HMCN1: variants seen among roughly 807,000 people sequenced by gnomAD.
HMCN1 encodes the protein hemicentin-1.
HMCN1 carries 321 observed loss-of-function variants against 625.9 expected under a neutral mutation model. That is an observed-to-expected ratio of 0.51 (90% CI 0.47 to 0.56). The LOEUF is 0.56. Among genes scored for constraint, HMCN1 ranks in the 20% least tolerant of loss-of-function variants. HMCN1 has a pLI of 0.00. For missense variants in HMCN1, 6,588 were observed against 6,887.3 expected, an observed-to-expected ratio of 0.96 and a Z score of 1.54; for synonymous variants, 2,425 against 2,417.6, an observed-to-expected ratio of 1.00 and a Z score of -0.09.
chr1:186,019,662 C>T lies in HMCN1; in HGVS notation c.5592C>T (p.Asp1864=), dbSNP rs1654590809. 2 of 1,612,042 alleles carry T rather than the reference C, an allele frequency of 1.2e-6. No homozygotes were observed. Among genetic ancestry groups the T allele is most frequent in the Non-Finnish European group, 1.7e-6 (2 of 1,178,664 alleles). The change falls in exon 35 of 107, where the codon GAC becomes GAT. Residue 1864 remains aspartate (D), a synonymous_variant. Coordinates refer to ENST00000271588, the MANE Select transcript of HMCN1 (RefSeq NM_031935.3). ...CTTCCATTACATGGTTAAAAGATGA[C>T]CAGCCTGTGAACACTGCCCAAGGAA... The part of the protein sequence containing the change: ...PNPSITWLKD[D]QPVNTAQGNL...
At chr1:185,805,761 A>C (rs1293777837) in intron 1 of HMCN1, among the ~76,000 whole-genome samples, 1 of 152,088 alleles carries the variant, frequency 6.6e-6, no homozygotes, top group Admixed American at 6.6e-5. Context: ...CATGCTGCAC[A>C]AAAGGTACTT....
In HMCN1 at chr1:186,041,113, G is replaced by T; in HGVS notation, c.6281G>T (p.Arg2094Met). 6.2e-7 allele frequency: 1 copy of T among 1,612,792 alleles called. No individual in the cohort carries two copies. Among genetic ancestry groups the T allele is most frequent in the Non-Finnish European group, 8.5e-7 (1 of 1,179,130 alleles). ...VAVNAAGEKQRDIDLRVYVPP... is the reference protein window; with the variant it reads ...VAVNAAGEKQMDIDLRVYVPP... ...GTGAATGCTGCTGGAGAAAAGCAAA[G>T]GGACATTGACCTCCGAGTATATGGT... The change falls in exon 40 of 107, where the codon AGG becomes ATG. Residue 2094 changes from arginine (R) to methionine (M), a missense_variant. By Grantham distance (91) the Arg-to-Met change is moderately conservative. Around this residue, in one of 3 missense-constraint regions of HMCN1, gnomAD observed 4,628 missense variants for 4,853.1 expected, o/e 0.95. Transcript: ENST00000271588.
In HMCN1 at chr1:186,061,951, G is replaced by A; in HGVS notation, c.7413G>A (p.Gly2471=). The part of the protein sequence containing the change: ...NAAGEERKIF[G]LSVLVPPHIV... ...CTGGTGAAGAAAGAAAAATCTTTGG[G>A]CTTTCAGTATTAGGTACTTATATAG... The change falls in exon 47 of 107, where the codon GGG becomes GGA. Residue 2471 remains glycine, a synonymous_variant. Coordinates refer to ENST00000271588, the MANE Select transcript of HMCN1 (RefSeq NM_031935.3). The A allele has an allele frequency of 6.2e-7, 1 of 1,603,122 alleles. No individual in the cohort carries two copies. The highest frequency in any genetic ancestry group is 1.1e-5 in the South Asian group (1 of 90,770).
chr1:186,124,284 T>C (rs923356190), intron 81 of HMCN1, among the ~76,000 whole-genome samples: 6 of 152,144 alleles, frequency 3.9e-5, no homozygotes, highest in African/African-American at 1.2e-4. Flanking sequence ...AGCCAAAAAG[T>C]AGGTCAAAGA....
At position 186,087,445 on chromosome 1, in the gene HMCN1, C is replaced by T. The variant is rs1558211796; in HGVS notation, c.9163C>T (p.Pro3055Ser). The change falls in exon 60 of 107, where the codon CCC (proline) becomes TCC (serine). Residue 3055 changes from proline to serine, a missense_variant and splice_region_variant. This residue lies in a region of HMCN1 where 4,628 missense variants were observed against 4,853.1 expected (regional missense o/e 0.95). Transcript: ENST00000271588. ...KKKFSLTVYV[P>S]PSIKDHDSES... Reference sequence around the variant, plus strand: ...CTTCTGTTATTTTCTTCCCTCAGTGCCCCCAAGCATTAAAGACCATGACAG... The same window carrying T: ...CTTCTGTTATTTTCTTCCCTCAGTGTCCCCAAGCATTAAAGACCATGACAG... The T allele has an allele frequency of 1.9e-6, 3 of 1,612,798 alleles. No individual in the cohort carries two copies. The highest frequency in any genetic ancestry group is 1.7e-5 in the Admixed American group (1 of 59,854).
Position 186,166,177 on chromosome 1 carries a change from C to T in HMCN1, c.15320-7C>T, listed in dbSNP as rs745639179. The T allele has an allele frequency of 2.9e-5, 46 of 1,613,960 alleles. No individual in the cohort carries two copies. In the East Asian group the frequency reaches 9.6e-4, roughly 34 times the overall value. On this transcript the variant is annotated splice_region_variant and splice_polypyrimidine_tract_variant and intron_variant, in intron 98 of 106. Coordinates refer to ENST00000271588, the MANE Select transcript of HMCN1 (RefSeq NM_031935.3). ...ACTGATTTGGGCCTTTTTGTTTCTT[C>T]TTTAAGATGAGGATGAATGTGCAGC...
intron 86 of HMCN1, 54 bp downstream of exon 86, chr1:186,132,463 T>TAAAG: frequency 1.5e-6 from 2 of 1,305,500 alleles, no homozygotes; most frequent in Non-Finnish European, 1.1e-6. Flanking sequence ...TATTACCTAA[T>TAAAG]AAAGAGTATT....
chr1:185,823,399 TA>T (rs890117898), intron 1 of HMCN1, among the ~76,000 whole-genome samples: 5 of 152,158 alleles, frequency 3.3e-5, no homozygotes, highest in African/African-American at 1.2e-4. Context: ...AGGCAACATA[TA>T]AAAAAATTGT....
At chr1:185,887,958 C>G (rs1332366270) in intron 4 of HMCN1, among the ~76,000 whole-genome samples, 1 of 142,680 alleles carries the variant, frequency 7.0e-6, no homozygotes, top group South Asian at 2.3e-4. Context: ...TCCACATCCT[C>G]TCCAGCACCT....
chr1:186,185,349 A>T (rs907476090), intron 105 of HMCN1, among the ~76,000 whole-genome samples: 2 of 152,184 alleles, frequency 1.3e-5, no homozygotes, highest in African/African-American at 4.8e-5. Flanking sequence ...GGCTAATTGA[A>T]TTTCACATTT....
intron 25 of HMCN1, among the ~76,000 whole-genome samples, chr1:185,998,001 C>T (rs769069094): frequency 5.3e-5 from 8 of 152,098 alleles, no homozygotes; most frequent in Non-Finnish European, 1.0e-4. Context: ...TAAATTGTCA[C>T]TTGGAGGTTT....
intron 6 of HMCN1, among the ~76,000 whole-genome samples, chr1:185,919,020 A>G (rs908212211): frequency 6.6e-6 from 1 of 151,732 alleles, no homozygotes; most frequent in African/African-American, 2.4e-5. Context: ...ATGATAAAAA[A>G]AGACCAAATA....
rs1324275424 is a variant in HMCN1 at position 186,061,692 on chromosome 1, TTTAAAATGTGA to T, written c.7313-156_7313-146del. ...TCTGAACTATTTTGTTTTATAGAAG[TTTAAAATGTGA>T]TTTTTAAAAAAGCTTAACATAAATT... is the stretch of plus-strand genomic sequence containing the variant. On this transcript the variant is annotated intron_variant, in intron 46 of 106. Transcript: ENST00000271588. Among the ~76,000 whole-genome samples, 25 of 152,336 alleles carry T rather than the reference TTTAAAATGTGA, an allele frequency of 1.6e-4. No homozygotes were observed. In the East Asian group the frequency reaches 4.8e-3, roughly 29 times the overall value.
intron 82 of HMCN1, 143 bp downstream of exon 82, chr1:186,125,937 CGT>C (rs1254602842): frequency 1.6e-6 from 1 of 641,828 alleles, no homozygotes; most frequent in African/African-American, 1.8e-5. Flanking sequence ...TAATTTTACA[CGT>C]ATTTCATGTC....
chr1:186,146,234 T>A (rs1441396475), intron 93 of HMCN1, among the ~76,000 whole-genome samples: 1 of 152,112 alleles, frequency 6.6e-6, no homozygotes, highest in Non-Finnish European at 1.5e-5. Context: ...TGGCTAAATA[T>A]CTAAAGAAAG....
At position 186,144,467 on chromosome 1, in the gene HMCN1, T is replaced by C. The variant is rs560245538; in HGVS notation, c.14096-66T>C. On this transcript the variant is annotated intron_variant, in intron 90 of 106. Coordinates refer to ENST00000271588, the MANE Select transcript of HMCN1 (RefSeq NM_031935.3). ...ACAAGAACATCTCTCAAACTAACAATGCCCAGAGTGTAACACGATGGTTCC... is the reference window on the plus strand; with the variant it reads ...ACAAGAACATCTCTCAAACTAACAACGCCCAGAGTGTAACACGATGGTTCC... The C allele has an allele frequency of 5.0e-5, 80 of 1,611,212 alleles. 2 individuals are homozygous for C. In the South Asian group the frequency reaches 5.8e-4, roughly 12 times the overall value.
At chr1:185,839,050 T>G (rs1189332435) in intron 1 of HMCN1, among the ~76,000 whole-genome samples, 1 of 152,198 alleles carries the variant, frequency 6.6e-6, no homozygotes, top group Non-Finnish European at 1.5e-5. Context: ...ATTTGTTTGG[T>G]TGTTGTGGAA....
chr1:185,850,823 C>T (rs573622556), intron 2 of HMCN1, among the ~76,000 whole-genome samples: 11 of 151,712 alleles, frequency 7.3e-5, no homozygotes, highest in Non-Finnish European at 1.3e-4. Context: ...CAAAAGGATG[C>T]TTAATTAGAA....
intron 36 of HMCN1, among the ~76,000 whole-genome samples, chr1:186,026,508 C>T (rs1173925945): frequency 2.0e-5 from 3 of 152,308 alleles, no homozygotes; most frequent in East Asian, 3.9e-4. Flanking sequence ...GTATTGCATA[C>T]AATTCTTGTT....
Sources: allele counts gnomAD v4.1 joint callset (sites outside exome capture counted in the v4.1 genomes callset), GRCh38; gene constraint gnomAD v4.1.1; regional missense constraint gnomAD v4.1.1; transcripts MANE v1.5; gene names NCBI Gene and HGNC (gene_info 2026-07-23, HGNC 2026-07-21).